ZNF385D: variants seen among roughly 807,000 people sequenced by gnomAD.
ZNF385D encodes zinc finger protein 385D, also known as zinc finger protein 659.
In ZNF385D, 15 loss-of-function variants were observed where a neutral mutation model predicts 35.8. The ratio of observed to expected loss-of-function variants is 0.42; its 90% CI spans 0.28 to 0.64. ZNF385D has a LOEUF of 0.64. Ranked by LOEUF, ZNF385D falls within the 30% of genes least tolerant of loss-of-function variation. The probability of loss-of-function intolerance (pLI) is 0.23; values close to 1 mark genes in which losing one functional copy is unlikely to be tolerated. For synonymous variants in ZNF385D, 212 were observed against 186.8 expected (o/e 1.13, Z -1.10); for missense variants, 474 against 494.6 (o/e 0.96, Z 0.39).
intron 2 of ZNF385D, among the ~76,000 whole-genome samples, chr3:22,219,022 T>C (rs2125276381): frequency 6.6e-6 from 1 of 152,274 alleles, no homozygotes; most frequent in Middle Eastern, 3.4e-3. Context: ...TTTATGGGCA[T>C]TTCAATTGAC....
chr3:22,296,711 C>T (rs1424627015), intron 2 of ZNF385D, among the ~76,000 whole-genome samples: 1 of 152,066 alleles, frequency 6.6e-6, no homozygotes, highest in African/African-American at 2.4e-5. Context: ...GAGAGCATAC[C>T]TCTGCAGCTG....
intron 3 of ZNF385D, among the ~76,000 whole-genome samples, chr3:21,917,540 C>G (rs1387766898): frequency 2.0e-5 from 3 of 152,176 alleles, no homozygotes; most frequent in Non-Finnish European, 4.4e-5. Context: ...ACCTACTGGT[C>G]TCATATGCTA....
At chr3:21,902,328 T>C (rs983685940) in intron 3 of ZNF385D, among the ~76,000 whole-genome samples, 1 of 152,108 alleles carries the variant, frequency 6.6e-6, no homozygotes, top group Admixed American at 6.6e-5. Flanking sequence ...TGTTGTTCTA[T>C]GTTAGGGTGG....
At chr3:22,266,804 G>C (rs1377909607) in intron 2 of ZNF385D, among the ~76,000 whole-genome samples, 1 of 151,904 alleles carries the variant, frequency 6.6e-6, no homozygotes, top group African/African-American at 2.4e-5. Context: ...GGTAAGTAAA[G>C]TCCTGACTGT....
At chr3:21,906,317 G>C (rs189035954) in intron 3 of ZNF385D, among the ~76,000 whole-genome samples, 3 of 152,142 alleles carry the variant, frequency 2.0e-5, no homozygotes, top group Non-Finnish European at 2.9e-5. Flanking sequence ...GATGAACATA[G>C]AAAGACGCAC....
At chr3:22,194,713 G>A (rs561464996) in intron 2 of ZNF385D, among the ~76,000 whole-genome samples, 6 of 151,846 alleles carry the variant, frequency 4.0e-5, no homozygotes, top group South Asian at 2.1e-4. Context: ...TATGTCATTC[G>A]TTTTTTCTTT....
intron 2 of ZNF385D, among the ~76,000 whole-genome samples, chr3:22,348,688 G>C (rs112926513): frequency 7.2e-6 from 1 of 138,482 alleles, no homozygotes; most frequent in Non-Finnish European, 1.5e-5. Flanking sequence ...GAAAGGAAGG[G>C]AGGGAGGGAG....
chr3:22,294,193 G>A (rs1407407500), intron 2 of ZNF385D, among the ~76,000 whole-genome samples: 1 of 151,934 alleles, frequency 6.6e-6, no homozygotes, highest in African/African-American at 2.4e-5. Flanking sequence ...CACTATACTG[G>A]GTAGGTATAG....
At chr3:22,173,383 G>C (rs6787127) in intron 2 of ZNF385D, among the ~76,000 whole-genome samples, 1 of 152,034 alleles carries the variant, frequency 6.6e-6, no homozygotes, top group Non-Finnish European at 1.5e-5. Context: ...AAAAGATATC[G>C]ACAATAGAGA....
At chr3:22,008,150 G>C (rs1696333931) in intron 3 of ZNF385D, among the ~76,000 whole-genome samples, 1 of 151,956 alleles carries the variant, frequency 6.6e-6, no homozygotes. Context: ...ATTTAGATGG[G>C]TGTTGGAACC....
intron 3 of ZNF385D, among the ~76,000 whole-genome samples, chr3:22,085,540 C>T (rs1023322993): frequency 6.6e-6 from 1 of 151,680 alleles, no homozygotes; most frequent in Non-Finnish European, 1.5e-5. Context: ...AAGTTGAATC[C>T]CTGAATAGAC....
chr3:21,906,828 A>C (rs145140837), intron 3 of ZNF385D, among the ~76,000 whole-genome samples: 3 of 152,198 alleles, frequency 2.0e-5, no homozygotes, highest in South Asian at 4.1e-4. Context: ...TGATCAAAGA[A>C]GACACACTTC....
intron 3 of ZNF385D, among the ~76,000 whole-genome samples, chr3:21,886,176 T>A (rs1023384777): frequency 1.3e-5 from 2 of 152,080 alleles, no homozygotes; most frequent in African/African-American, 4.8e-5. Flanking sequence ...TGGCCTTATC[T>A]CAATTCTACC....
At chr3:21,780,678 A>T (rs2071455756) in intron 3 of ZNF385D, among the ~76,000 whole-genome samples, 1 of 152,084 alleles carries the variant, frequency 6.6e-6, no homozygotes, top group South Asian at 2.1e-4. Context: ...TGTATTTTAC[A>T]TTAGACTAAT....
At chr3:21,677,906 C>T (rs762588702) in intron 1 of ZNF385D, among the ~76,000 whole-genome samples, 7 of 151,932 alleles carry the variant, frequency 4.6e-5, no homozygotes, top group Non-Finnish European at 8.8e-5. Context: ...TTTTAATGCT[C>T]GTTCTTTGTA....
At chr3:22,172,580 C>G (rs1208991241) in intron 2 of ZNF385D, among the ~76,000 whole-genome samples, 5 of 152,094 alleles carry the variant, frequency 3.3e-5, no homozygotes, top group African/African-American at 9.7e-5. Flanking sequence ...CTTCTCTAAC[C>G]CACGCCACCC....
intron 3 of ZNF385D, chr3:21,511,874 C>A (rs145853031): frequency 6.8e-6 from 3 of 439,146 alleles, no homozygotes; most frequent in Non-Finnish European, 1.4e-5. Context: ...AATTACCGGG[C>A]GTGGTGGCTC....
intron 3 of ZNF385D, among the ~76,000 whole-genome samples, chr3:22,166,929 C>G (rs567296661): frequency 1.3e-5 from 2 of 152,342 alleles, no homozygotes; most frequent in African/African-American, 2.4e-5. Flanking sequence ...TCGTGCTGTA[C>G]TTGAGGTGGT....
intron 3 of ZNF385D, among the ~76,000 whole-genome samples, chr3:22,039,356 G>C (rs960714841): frequency 1.3e-5 from 2 of 151,414 alleles, no homozygotes; most frequent in African/African-American, 2.4e-5. Context: ...AATCAGGCCT[G>C]ATAGCATCAC....
Sources: gnomAD v4.1 joint callset for allele counts (sites outside exome capture counted in the v4.1 genomes callset) on GRCh38, gnomAD v4.1.1 for gene constraint, MANE v1.5 for transcripts, NCBI Gene and HGNC (gene_info 2026-07-23, HGNC 2026-07-21) for gene names.